The following KRR1 variants were observed in gnomAD, a reference collection of about 807,000 sequenced individuals.
KRR1 encodes the protein KRR1 small subunit processome component homolog.
A neutral mutation model predicts 50.0 loss-of-function variants in KRR1; 23 were observed. The observed-to-expected ratio is 0.46, with a 90% CI of 0.33 to 0.65. The LOEUF (loss-of-function observed/expected upper bound fraction) is 0.65. KRR1 is among the 30% of genes least tolerant of loss of function. KRR1 has a pLI of 0.02. For missense variants in KRR1, 419 were observed against 442.4 expected (o/e 0.95, Z 0.47); for synonymous variants, 133 against 146.3 (o/e 0.91, Z 0.66).
chr12:75,509,247 T>C (rs1399526720), intron 1 of KRR1, among the ~76,000 whole-genome samples: 1 of 152,210 alleles, frequency 6.6e-6, no homozygotes, highest in Non-Finnish European at 1.5e-5. Flanking sequence ...GTATGATCCA[T>C]AGACTTGCAG....
chr12:75,511,463 C>G (rs753318895), intron 1 of KRR1, 50 bp downstream of exon 1: 2 of 1,501,770 alleles, frequency 1.3e-6, no homozygotes, highest in Non-Finnish European at 1.9e-6. Flanking sequence ...AAAAAAACAT[C>G]GCAACTCAAC....
chr12:75,491,338 TAC>T lies in KRR1; in HGVS notation c.*8469_*8470del, dbSNP rs763508643. Reference sequence around the variant, plus strand: ...CGGGTCAGCAACCTGCCCAAAGTTCTACAGTTAGTGACTATCACTGATGGACT... The same window carrying T: ...CGGGTCAGCAACCTGCCCAAAGTTCTAGTTAGTGACTATCACTGATGGACT... On this transcript the variant is annotated 3_prime_UTR_variant, in exon 10 of 10. Coordinates refer to ENST00000229214, the MANE Select transcript of KRR1 (RefSeq NM_007043.7). The T allele has an allele frequency of 3.9e-5, 6 of 152,212 alleles. No homozygotes were observed. The highest frequency in any genetic ancestry group is 7.2e-5 in the African/African-American group (3 of 41,452). The allele number at this position is 152,212 out of a possible 1,614,324, so 9.4% of individuals were successfully genotyped here.
chr12:75,506,713 C>G (rs1405095252), intron 3 of KRR1, 69 bp downstream of exon 3: 8 of 1,551,568 alleles, frequency 5.2e-6, no homozygotes, highest in Non-Finnish European at 6.9e-6. Flanking sequence ...AATATGAAAA[C>G]TTGATGGTGG....
chr12:75,504,372 G>GGGC, intron 6 of KRR1: 1 of 189,798 alleles, frequency 5.3e-6, no homozygotes. Context: ...AAAGCAGGGA[G>GGGC]GGCTCTTAAT....
chr12:75,495,639 A>G lies in KRR1; in HGVS notation c.*4170T>C, dbSNP rs1410672523. ...ACCTGCAGTGCCTGCCCCAATAATGACAAGTGTTTGGACAATCTCTGTGGT... is the reference window on the plus strand; with the variant it reads ...ACCTGCAGTGCCTGCCCCAATAATGGCAAGTGTTTGGACAATCTCTGTGGT... On this transcript the variant is annotated 3_prime_UTR_variant, in exon 10 of 10. Coordinates refer to ENST00000229214, the MANE Select transcript of KRR1 (RefSeq NM_007043.7). 1 of 1,608,752 alleles carries G rather than the reference A, an allele frequency of 6.2e-7. No homozygotes were observed. Among genetic ancestry groups the G allele is most frequent in the South Asian group, 1.1e-5 (1 of 90,932 alleles).
chr12:75,505,507 T>C (rs1026471590), intron 5 of KRR1, among the ~76,000 whole-genome samples: 1 of 152,004 alleles, frequency 6.6e-6, no homozygotes, highest in Non-Finnish European at 1.5e-5. Context: ...TCTAAAGCAA[T>C]GTGATTTAGG....
Position 75,491,788 on chromosome 12 carries a change from T to G in KRR1, c.*8021A>C, listed in dbSNP as rs558638345. 58 of 152,280 alleles carry G rather than the reference T, an allele frequency of 3.8e-4. No homozygotes were observed. The highest frequency in any genetic ancestry group is 1.3e-3 in the African/African-American group (54 of 41,568). 9.4% of individuals were successfully genotyped at this position (152,280 alleles called of 1,614,324 possible). On this transcript the variant is annotated 3_prime_UTR_variant, in exon 10 of 10. Coordinates refer to ENST00000229214, the MANE Select transcript of KRR1 (RefSeq NM_007043.7). ...ACCATTTTTCTACTAGATTTTCTTATTTATAAAAGTTTTTATATTTTAAAG... is the reference window on the plus strand; with the variant it reads ...ACCATTTTTCTACTAGATTTTCTTAGTTATAAAAGTTTTTATATTTTAAAG...
rs1426429158 is a variant in KRR1 at position 75,499,078 on chromosome 12, C to T, written c.*731G>A. 3 of 711,318 alleles carry T rather than the reference C, an allele frequency of 4.2e-6. No individual in the cohort carries two copies. The allele number at this position is 711,318 out of a possible 1,614,324, so 44.1% of individuals were successfully genotyped here. ...GGTGTACTTCTATTTTAAAACATTT[C>T]AGAAAAAAATATATGTTATAGCAAT... On this transcript the variant is annotated 3_prime_UTR_variant, in exon 10 of 10. Coordinates refer to ENST00000229214, the MANE Select transcript of KRR1 (RefSeq NM_007043.7).
At chr12:75,504,791 T>TA (rs1376289002) in intron 6 of KRR1, among the ~76,000 whole-genome samples, 1 of 151,998 alleles carries the variant, frequency 6.6e-6, no homozygotes, top group Non-Finnish European at 1.5e-5. Context: ...GTTAAATTCA[T>TA]AAAAAGGTTT....
In KRR1 at chr12:75,497,233, A is replaced by T. The variant is rs2046356963; in HGVS notation, c.*2576T>A. The T allele has an allele frequency of 6.6e-6, 1 of 152,166 alleles. No individual in the cohort carries two copies. Among genetic ancestry groups the T allele is most frequent in the African/African-American group, 2.4e-5 (1 of 41,432 alleles). The allele number at this position is 152,166 out of a possible 1,614,324, so 9.4% of individuals were successfully genotyped here. A position where few individuals can be genotyped will look rare whatever the true frequency, so the allele number is the denominator to read the frequency against. ...CCTTTAAAAATCTAGGCAATTAGTA[A>T]CACTACCACCACCACAATGACAAAA... is the stretch of plus-strand genomic sequence containing the variant. On this transcript the variant is annotated 3_prime_UTR_variant, in exon 10 of 10. Transcript: ENST00000229214.
rs2046346316 is a variant in KRR1 at position 75,495,694 on chromosome 12, A to G, written c.*4115T>C. 5 of 1,165,054 alleles carry G rather than the reference A, an allele frequency of 4.3e-6. No individual in the cohort carries two copies. The highest frequency in any genetic ancestry group is 6.4e-6 in the Non-Finnish European group (5 of 776,670). 72.2% of individuals were successfully genotyped at this position (1,165,054 alleles called of 1,614,324 possible). A position where few individuals can be genotyped will look rare whatever the true frequency, so the allele number is the denominator to read the frequency against. On this transcript the variant is annotated 3_prime_UTR_variant, in exon 10 of 10. Transcript: ENST00000229214. ...AAAAGGAACAATACACCAATAGAAT[A>G]ACATAATAGTAACATGTAACTTTCT...
rs2046410896 is a variant in KRR1 at position 75,503,953 on chromosome 12, G to T, written c.782C>A (p.Thr261Asn). 1 of 1,611,402 alleles carries T rather than the reference G, an allele frequency of 6.2e-7. No homozygotes were observed. Among genetic ancestry groups the T allele is most frequent in the South Asian group, 1.1e-5 (1 of 90,834 alleles). The change falls in exon 7 of 10, where the codon ACT becomes AAT. Residue 261 changes from threonine (T) to asparagine (N), a missense_variant. Physicochemically the swap from Thr to Asn is moderately conservative, Grantham distance 65. Transcript: ENST00000229214. ...VNKRKEPKKK[T>N]VKKEYTPFPP... ...GAATGGCGTATATTCTTTCTTAACA[G>T]TTTTTTTCTTTGGTTCCTTGCGTTT... is the stretch of plus-strand genomic sequence containing the variant.
chr12:75,501,693 T>G, intron 9 of KRR1, 30 bp downstream of exon 9: 1 of 1,409,528 alleles, frequency 7.1e-7, no homozygotes, highest in African/African-American at 1.4e-5. Context: ...TCCTAATTAA[T>G]AAAGACTTTT....
At chr12:75,506,059 T>G (rs1386076465) in intron 5 of KRR1, 1 of 274,262 alleles carries the variant, frequency 3.6e-6, no homozygotes, top group Non-Finnish European at 6.9e-6. Flanking sequence ...TTAAATTTTA[T>G]AGTGGGAGGA....
intron 2 of KRR1, among the ~76,000 whole-genome samples, 186 bp from the exon 3 acceptor site, chr12:75,507,102 T>C (rs2046425974): frequency 6.6e-6 from 1 of 152,174 alleles, no homozygotes; most frequent in Non-Finnish European, 1.5e-5. Flanking sequence ...TTACAGACTA[T>C]AAGAAACTGG....
rs954096801 is a variant in KRR1 at position 75,506,522 on chromosome 12, T to C, written c.481A>G (p.Arg161Gly). ...VRNKERFVKR[R>G]QRLIGPKGST... The stretch of plus-strand genomic sequence containing the variant: ...CCTTTGGGACCAATAAGCCGTTGTC[T>C]TCGTTTTACAAATCTCTCTTTATTC... The change falls in exon 4 of 10, where the codon AGA becomes GGA. Residue 161 changes from arginine to glycine, a missense_variant. By Grantham distance (125) the Arg-to-Gly change is moderately radical. Transcript: ENST00000229214. 1 of 1,608,566 alleles carries C rather than the reference T, an allele frequency of 6.2e-7. No homozygotes were observed. Among genetic ancestry groups the C allele is most frequent in the Non-Finnish European group, 8.5e-7 (1 of 1,177,972 alleles).
rs961587903 is a variant in KRR1 at position 75,497,906 on chromosome 12, A to C, written c.*1903T>G. On this transcript the variant is annotated 3_prime_UTR_variant, in exon 10 of 10. Transcript: ENST00000229214. ...TTTAAAAATATATATAAAAAAAAAT[A>C]ACTAGAACATCACACTCTTGATTTC... 6.6e-6 allele frequency: 1 copy of C among 152,112 alleles called. No homozygotes were observed. Among genetic ancestry groups the C allele is most frequent in the Non-Finnish European group, 1.5e-5 (1 of 68,024 alleles). The allele number at this position is 152,112 out of a possible 1,614,324, so 9.4% of individuals were successfully genotyped here.
Position 75,496,186 on chromosome 12 carries a change from CT to C in KRR1, c.*3622del, listed in dbSNP as rs1363497220. 1 of 151,826 alleles carries C rather than the reference CT, an allele frequency of 6.6e-6. No individual in the cohort carries two copies. Among genetic ancestry groups the C allele is most frequent in the African/African-American group, 2.4e-5 (1 of 41,244 alleles). 9.4% of individuals were successfully genotyped at this position (151,826 alleles called of 1,614,324 possible). A position where few individuals can be genotyped will look rare whatever the true frequency, so the allele number is the denominator to read the frequency against. ...GCCTGGCCAACATGGCAAAAACCCC[CT>C]CTACTAAAAATACAAAAACTAGCTG... On this transcript the variant is annotated 3_prime_UTR_variant, in exon 10 of 10. Coordinates refer to ENST00000229214, the MANE Select transcript of KRR1 (RefSeq NM_007043.7).
chr12:75,506,697 A>C (rs1173125453), intron 3 of KRR1, 85 bp downstream of exon 3: 20 of 1,553,688 alleles, frequency 1.3e-5, no homozygotes, highest in Non-Finnish European at 1.6e-5. Flanking sequence ...TTGTTACCTA[A>C]GCACAAATAT....
Sources: gnomAD v4.1 joint callset for allele counts (sites outside exome capture counted in the v4.1 genomes callset) on GRCh38, gnomAD v4.1.1 for gene constraint, MANE v1.5 for transcripts, NCBI Gene and HGNC (gene_info 2026-07-23, HGNC 2026-07-21) for gene names.